AIRE: variants seen among roughly 807,000 people sequenced by gnomAD.
The protein encoded by AIRE is autoimmune polyendocrinopathy candidiasis ectodermal dystrophy protein.
In AIRE, 52 loss-of-function variants were observed where a neutral mutation model predicts 62.1. That is an observed-to-expected ratio of 0.84 (90% CI 0.67 to 1.06). AIRE has a LOEUF of 1.06. AIRE is among the 50% of genes least tolerant of loss of function. The pLI, the probability that AIRE is intolerant of heterozygous loss-of-function variation, is 0.00. For missense variants in AIRE, 774 were observed against 755.8 expected (o/e 1.02, Z -0.28); for synonymous variants, 342 against 321.6 (o/e 1.06, Z -0.68).
rs1020955710 is a variant in AIRE, at chr21:44,286,468, G to A, written c.133-89G>A. On this transcript the variant is annotated intron_variant, in intron 1 of 13. Coordinates refer to ENST00000291582, the MANE Select transcript of AIRE (RefSeq NM_000383.4). The surrounding 1 kb of genome is among the most constrained non-coding windows in gnomAD (Gnocchi z 6.0). ...GTCCAGGTCGCCAGCGCCTCTGCCTGGGAGCTCCACCCTCTAGTCATGATG... is the reference window on the plus strand; with the variant it reads ...GTCCAGGTCGCCAGCGCCTCTGCCTAGGAGCTCCACCCTCTAGTCATGATG... The A allele has an allele frequency of 1.4e-6, 2 of 1,431,208 alleles. No individual in the cohort carries two copies. Among genetic ancestry groups the A allele is most frequent in the African/African-American group, 1.4e-5 (1 of 70,278 alleles). 88.7% of individuals were successfully genotyped at this position (1,431,208 alleles called of 1,614,324 possible).
At position 44,298,311 on chromosome 21, in the gene AIRE, C is replaced by G. The variant is rs971856065; in HGVS notation, c.*584C>G. ...CTCACTCCCCATTCCCCTCCCAACCCCTGGCACCCTCCACTCTACTTTCTG... is the reference window on the plus strand; with the variant it reads ...CTCACTCCCCATTCCCCTCCCAACCGCTGGCACCCTCCACTCTACTTTCTG... On this transcript the variant is annotated 3_prime_UTR_variant, in exon 14 of 14. Transcript: ENST00000291582. 2 of 174,026 alleles carry G rather than the reference C, an allele frequency of 1.1e-5. No individual in the cohort carries two copies. Among genetic ancestry groups the G allele is most frequent in the African/African-American group, 4.8e-5 (2 of 41,754 alleles). The allele number at this position is 174,026 out of a possible 1,614,324, so 10.8% of individuals were successfully genotyped here.
intron 7 of AIRE, chr21:44,290,807 A>G (rs1049913928): frequency 2.0e-6 from 3 of 1,529,768 alleles, no homozygotes; most frequent in Non-Finnish European, 2.7e-6. Flanking sequence ...GGAAGGGTTC[A>G]TGTGGTTGGT....
rs1478093737 is a variant in AIRE, at chr21:44,287,184, TC to T, written c.463+55del. ...CCAGGGTCTCCAGTCTTCCCGGGCT[TC>T]CCCGGGAGCCCACGCCCCCTCCCCA... On this transcript the variant is annotated intron_variant, in intron 3 of 13. Coordinates refer to ENST00000291582, the MANE Select transcript of AIRE (RefSeq NM_000383.4). This position sits in a 1 kb window ranked among gnomAD's most constrained non-coding sequence, Gnocchi z 4.3. 3 of 1,602,034 alleles carry T rather than the reference TC, an allele frequency of 1.9e-6. No homozygotes were observed. The highest frequency in any genetic ancestry group is 8.5e-7 in the Non-Finnish European group (1 of 1,175,642).
In AIRE at chr21:44,296,450, C is replaced by T. The variant is rs199684124; in HGVS notation, c.1566+5C>T. On this transcript the variant is annotated splice_donor_5th_base_variant and intron_variant, in intron 13 of 13. Transcript: ENST00000291582. Reference sequence around the variant, plus strand: ...CTGGAGTCCCTTCTGAGCGAGGTAACGCCTCCCCTGGCCTCCTGGTGCTCC... The same window carrying T: ...CTGGAGTCCCTTCTGAGCGAGGTAATGCCTCCCCTGGCCTCCTGGTGCTCC... The T allele has an allele frequency of 1.9e-5, 30 of 1,611,806 alleles. No individual in the cohort carries two copies. The highest frequency in any genetic ancestry group is 8.9e-5 in the East Asian group (4 of 44,876).
At position 44,286,554 on chromosome 21, in the gene AIRE, C is replaced by T; in HGVS notation, c.133-3C>T. 1 of 1,608,140 alleles carries T rather than the reference C, an allele frequency of 6.2e-7. No homozygotes were observed. The highest frequency in any genetic ancestry group is 1.1e-5 in the South Asian group (1 of 90,922). ...CAGGGACCCTCATGCCACCCCACTG[C>T]AGGAGACGCTTCATCTGAAGGAAAA... On this transcript the variant is annotated splice_region_variant and splice_polypyrimidine_tract_variant and intron_variant, in intron 1 of 13. Transcript: ENST00000291582. The surrounding 1 kb of genome is among the most constrained non-coding windows in gnomAD (Gnocchi z 6.0).
rs764314545 is a variant in AIRE at position 44,296,457 on chromosome 21, C to G, written c.1566+12C>G. 1.9e-6 allele frequency: 3 copies of G among 1,610,014 alleles called. No individual in the cohort carries two copies. ...CCCTTCTGAGCGAGGTAACGCCTCC[C>G]CTGGCCTCCTGGTGCTCCTCCACTC... On this transcript the variant is annotated intron_variant, in intron 13 of 13. Transcript: ENST00000291582.
chr21:44,293,668 T>TGCGCCTA, intron 10 of AIRE, 121 bp from the exon 11 acceptor site: 1 of 1,482,526 alleles, frequency 6.7e-7, no homozygotes, highest in Non-Finnish European at 9.1e-7. Context: ...GCTCCTCACT[T>TGCGCCTA]GCGCCTAGAC....
At position 44,286,553 on chromosome 21, in the gene AIRE, G is replaced by A. The variant is rs1157077526; in HGVS notation, c.133-4G>A. The A allele has an allele frequency of 3.1e-6, 5 of 1,607,914 alleles. No individual in the cohort carries two copies. The highest frequency in any genetic ancestry group is 2.2e-5 in the East Asian group (1 of 44,714). ...GCAGGGACCCTCATGCCACCCCACTGCAGGAGACGCTTCATCTGAAGGAAA... is the reference window on the plus strand; with the variant it reads ...GCAGGGACCCTCATGCCACCCCACTACAGGAGACGCTTCATCTGAAGGAAA... On this transcript the variant is annotated splice_region_variant and splice_polypyrimidine_tract_variant and intron_variant, in intron 1 of 13. Coordinates refer to ENST00000291582, the MANE Select transcript of AIRE (RefSeq NM_000383.4). This position sits in a 1 kb window ranked among gnomAD's most constrained non-coding sequence, Gnocchi z 6.0.
Position 44,290,960 on chromosome 21 carries a change from A to G in AIRE, c.880-135A>G, listed in dbSNP as rs745835455. The G allele has an allele frequency of 3.1e-6, 5 of 1,612,590 alleles. No homozygotes were observed. In the East Asian group the frequency reaches 6.7e-5, roughly 22 times the overall value. ...GGGCAGAATTTCAGGCCCTGGCAGC[A>G]TGGGAGCAGGGCAGAGACTGGGGAG... On this transcript the variant is annotated intron_variant, in intron 7 of 13. Transcript: ENST00000291582.
intron 13 of AIRE, 78 bp downstream of exon 13, chr21:44,296,523 G>T: frequency 1.5e-6 from 2 of 1,369,012 alleles, no homozygotes; most frequent in Non-Finnish European, 2.1e-6. Context: ...TCCCCACTCT[G>T]GGGGAGGACT....
chr21:44,285,893 C>G lies in AIRE; in HGVS notation c.-114C>G. ...CGCAGACCGGGGAGACGGGCGGGCG[C>G]ACAGCCGGCGCGGAGGCCCCACAGC... On this transcript the variant is annotated 5_prime_UTR_variant, in exon 1 of 14. Transcript: ENST00000291582. 1 of 1,080,472 alleles carries G rather than the reference C, an allele frequency of 9.3e-7. No homozygotes were observed. The highest frequency in any genetic ancestry group is 1.2e-6 in the Non-Finnish European group (1 of 810,168). The allele number at this position is 1,080,472 out of a possible 1,614,324, so 66.9% of individuals were successfully genotyped here. A position where few individuals can be genotyped will look rare whatever the true frequency, so the allele number is the denominator to read the frequency against.
At chr21:44,288,099 C>G (rs1371798626) in intron 4 of AIRE, among the ~76,000 whole-genome samples, 2 of 150,368 alleles carry the variant, frequency 1.3e-5, no homozygotes, top group Non-Finnish European at 2.9e-5. Flanking sequence ...TCCATTGTGC[C>G]AGCTCTGCTG....
Position 44,286,172 on chromosome 21 carries a change from G to A in AIRE, c.132+34G>A. ...CCCGCCCGCCCCCCGCTGCCCCCAG[G>A]CCCTGTGAGCCAGGGATAGTCCCCG... On this transcript the variant is annotated intron_variant, in intron 1 of 13. Transcript: ENST00000291582. This position sits in a 1 kb window ranked among gnomAD's most constrained non-coding sequence, Gnocchi z 6.0. 1 of 1,501,560 alleles carries A rather than the reference G, an allele frequency of 6.7e-7. No homozygotes were observed. Among genetic ancestry groups the A allele is most frequent in the Non-Finnish European group, 8.9e-7 (1 of 1,117,718 alleles). The allele number at this position is 1,501,560 out of a possible 1,614,324, so 93.0% of individuals were successfully genotyped here. A position where few individuals can be genotyped will look rare whatever the true frequency, so the allele number is the denominator to read the frequency against.
In AIRE at chr21:44,287,696, G is replaced by A. The variant is rs577321434; in HGVS notation, c.538+105G>A. 168 of 1,218,050 alleles carry A rather than the reference G, an allele frequency of 1.4e-4. No individual in the cohort carries two copies. The highest frequency in any genetic ancestry group is 1.3e-3 in the Middle Eastern group (5 of 3,824). The allele number at this position is 1,218,050 out of a possible 1,614,324, so 75.5% of individuals were successfully genotyped here. ...CTGAGACCCTGTCCTAGGGGCTGGG[G>A]ACGTGCTGGCCTGGTGTGTCATTCC... On this transcript the variant is annotated intron_variant, in intron 4 of 13. Coordinates refer to ENST00000291582, the MANE Select transcript of AIRE (RefSeq NM_000383.4). This position sits in a 1 kb window ranked among gnomAD's most constrained non-coding sequence, Gnocchi z 4.3.
At chr21:44,288,216 C>A in intron 4 of AIRE, 129 bp from the exon 5 acceptor site, 1 of 765,752 alleles carries the variant, frequency 1.3e-6, no homozygotes, top group Non-Finnish European at 2.3e-6. Context: ...AGGGCTGGGT[C>A]CCCTCCTTGG....
chr21:44,288,815 C>A, intron 5 of AIRE: 1 of 257,628 alleles, frequency 3.9e-6, no homozygotes, highest in Non-Finnish European at 7.6e-6. Context: ...ATTCTTCAAC[C>A]AGGACAGCCT....
chr21:44,291,107 G>A lies in AIRE; in HGVS notation c.892G>A (p.Glu298Lys), dbSNP rs763636007. Residue 298 changes from glutamate (E) to lysine (K), a missense_variant, in exon 8 of 14, where the codon GAG becomes AAG. Glu to Lys is a moderately conservative substitution (Grantham distance 56). Coordinates refer to ENST00000291582, the MANE Select transcript of AIRE (RefSeq NM_000383.4). ...TTGCCTGTGCCAGAAGAATGAGGAC[G>A]AGTGTGCCGTGTGTCGGGACGGCGG... ...DPQLHQKNED[E>K]CAVCRDGGEL... 4 of 1,612,960 alleles carry A rather than the reference G, an allele frequency of 2.5e-6. No individual in the cohort carries two copies. The highest frequency in any genetic ancestry group is 1.7e-5 in the Admixed American group (1 of 60,012).
chr21:44,292,942 G>T (rs745584597), intron 9 of AIRE, 51 bp from the exon 10 acceptor site: 23 of 1,560,980 alleles, frequency 1.5e-5, no homozygotes, highest in Non-Finnish European at 1.9e-5. Context: ...ACTCCTGGGT[G>T]GTGCCGGGCA....
chr21:44,291,197 C>T lies in AIRE; in HGVS notation c.982C>T (p.Arg328Trp), dbSNP rs74162063. 2.6e-4 allele frequency: 422 copies of T among 1,602,588 alleles called. No individual in the cohort carries two copies. The highest frequency in any genetic ancestry group is 3.1e-4 in the Non-Finnish European group (362 of 1,179,686). ...CCTGGCCTGCCTGTCCCCTCCGCTC[C>T]GGGAGATCCCCAGGTGAGCCTGCAC... ...FHLACLSPPL[R>W]EIPSGTWRCS... Residue 328 changes from arginine to tryptophan, a missense_variant, in exon 8 of 14, where the codon CGG (arginine) becomes TGG (tryptophan). Around this residue, in one of 3 missense-constraint regions of AIRE, gnomAD observed 35 missense variants for 63.7 expected, o/e 0.55. Coordinates refer to ENST00000291582, the MANE Select transcript of AIRE (RefSeq NM_000383.4).
Sources: allele counts gnomAD v4.1 joint callset (sites outside exome capture counted in the v4.1 genomes callset), GRCh38; gene constraint gnomAD v4.1.1; regional missense constraint gnomAD v4.1.1; non-coding constraint Gnocchi (gnomAD v3.1); transcripts MANE v1.5; gene names NCBI Gene and HGNC (gene_info 2026-07-23, HGNC 2026-07-21).